RIMBP2: variants seen among roughly 807,000 people sequenced by gnomAD.
RIMBP2 encodes RIMS-binding protein 2.
Under a neutral mutation model 118.6 loss-of-function variants are expected in RIMBP2, and 48 were observed. The ratio of observed to expected loss-of-function variants is 0.40; its 90% CI spans 0.32 to 0.51. The LOEUF (loss-of-function observed/expected upper bound fraction) is 0.51, where lower values mean the gene tolerates loss of function less well. Ranked by LOEUF, RIMBP2 falls within the 20% of genes least tolerant of loss-of-function variation. The pLI is 0.41. For synonymous variants in RIMBP2, 762 were observed against 742.9 expected (o/e 1.03, Z -0.42); for missense variants, 1,551 against 1,768.3 (o/e 0.88, Z 2.20).
At chr12:130,686,466 CT>C (rs1470031210) in intron 1 of RIMBP2, among the ~76,000 whole-genome samples, 1 of 152,242 alleles carries the variant, frequency 6.6e-6, no homozygotes, top group African/African-American at 2.4e-5. Context: ...ACGAGGCATT[CT>C]TACACGGGCC....
At chr12:130,640,022 T>C (rs1314975820) in intron 1 of RIMBP2, among the ~76,000 whole-genome samples, 1 of 152,204 alleles carries the variant, frequency 6.6e-6, no homozygotes, top group African/African-American at 2.4e-5. Context: ...TGGCTAGCTT[T>C]CTAGTCAGTT....
chr12:130,472,327 G>A (rs2081077350), intron 5 of RIMBP2: 1 of 152,256 alleles, frequency 6.6e-6, no homozygotes, highest in African/African-American at 2.4e-5. Flanking sequence ...ACTGGAGGTT[G>A]GTTTTCTGAG....
chr12:130,497,046 G>A (rs959060033), intron 4 of RIMBP2, among the ~76,000 whole-genome samples: 7 of 152,010 alleles, frequency 4.6e-5, no homozygotes, highest in Admixed American at 2.0e-4. Context: ...GCTCCTGGGC[G>A]CTCCATGGCT....
Position 130,494,697 on chromosome 12 carries a change from G to A in RIMBP2, c.-4+11951C>T, listed in dbSNP as rs1424852658. 5.9e-5 allele frequency among the ~76,000 whole-genome samples: 9 copies of A among 151,474 alleles called. 1 individual carries two copies. In the South Asian group the frequency reaches 1.5e-3, roughly 25 times the overall value. On this transcript the variant is annotated intron_variant, in intron 4 of 22. Transcript: ENST00000690449. ...GCAAAGTAGGAGTCAGGTAACCCAC[G>A]GAGGCCTCCAGGACCCTGCACTCCA...
At position 130,683,742 on chromosome 12, in the gene RIMBP2, A is replaced by G. The variant is rs571042843; in HGVS notation, c.-352+32480T>C. Among the ~76,000 whole-genome samples, 9 of 152,306 alleles carry G rather than the reference A, an allele frequency of 5.9e-5. No individual in the cohort carries two copies. Among genetic ancestry groups the G allele is most frequent in the African/African-American group, 1.9e-4 (8 of 41,572 alleles). ...TCCCACCAGCACTACGACAATTTAC[A>G]AACGCCATGGCAATGTCAGGAAGTT... On this transcript the variant is annotated intron_variant, in intron 1 of 22. Coordinates refer to ENST00000690449, the MANE Select transcript of RIMBP2 (RefSeq NM_001393629.1). This position sits in a 1 kb window ranked among gnomAD's most constrained non-coding sequence, Gnocchi z 4.4.
chr12:130,495,444 C>A (rs2049056871), intron 4 of RIMBP2, among the ~76,000 whole-genome samples: 1 of 152,092 alleles, frequency 6.6e-6, no homozygotes, highest in East Asian at 1.9e-4. Context: ...CACCCCCTAA[C>A]AGACATGTGC....
At chr12:130,520,150 T>A (rs1169866259) in intron 2 of RIMBP2, among the ~76,000 whole-genome samples, 1 of 152,184 alleles carries the variant, frequency 6.6e-6, no homozygotes, top group Admixed American at 6.5e-5. Flanking sequence ...ATAGAAATGC[T>A]TACATCTATT....
At position 130,522,761 on chromosome 12, in the gene RIMBP2, C is replaced by A. The variant is rs551405521; in HGVS notation, c.-216-4844G>T. Among the ~76,000 whole-genome samples, 4 of 152,234 alleles carry A rather than the reference C, an allele frequency of 2.6e-5. No homozygotes were observed. In the South Asian group the frequency reaches 8.3e-4, roughly 32 times the overall value. On this transcript the variant is annotated intron_variant, in intron 2 of 22. Transcript: ENST00000690449. ...GGAGGATGGCCCACAGTGCCTGAGGCTGTCTCCCTGCCTGCTGTGGACTGA... is the reference window on the plus strand; with the variant it reads ...GGAGGATGGCCCACAGTGCCTGAGGATGTCTCCCTGCCTGCTGTGGACTGA...
chr12:130,713,361 G>T (rs1389556708), intron 1 of RIMBP2, among the ~76,000 whole-genome samples: 3 of 151,640 alleles, frequency 2.0e-5, no homozygotes, highest in African/African-American at 7.3e-5. Context: ...TCCTCAGCTG[G>T]TTGCCCTTTG....
At chr12:130,598,538 C>T (rs2059685380) in intron 2 of RIMBP2, among the ~76,000 whole-genome samples, 1 of 152,134 alleles carries the variant, frequency 6.6e-6, no homozygotes, top group South Asian at 2.1e-4. Context: ...ACCATCCTGG[C>T]TAACACGGTG....
chr12:130,438,335 A>AACCCC, intron 12 of RIMBP2, 30 bp downstream of exon 12: 22 of 864,968 alleles, frequency 2.5e-5, no homozygotes, highest in East Asian at 5.6e-5. Context: ...GGCCTAACAA[A>AACCCC]CCCTCCCCAC....
intron 6 of RIMBP2, among the ~76,000 whole-genome samples, chr12:130,462,398 G>A (rs12306727): frequency 0.045 from 6,832 of 152,342 alleles, 515 homozygotes; most frequent in African/African-American, 0.15. Flanking sequence ...CCTGGAGACA[G>A]CTGCCCCGAG....
chr12:130,588,252 C>T (rs1202040781), intron 2 of RIMBP2, among the ~76,000 whole-genome samples: 2 of 152,190 alleles, frequency 1.3e-5, no homozygotes, highest in African/African-American at 4.8e-5. Flanking sequence ...GAGTATTCCC[C>T]AACCCACTGA....
In RIMBP2 at chr12:130,710,982, C is replaced by T. The variant is rs10848189; in HGVS notation, c.-352+5240G>A. 0.25 allele frequency among the ~76,000 whole-genome samples: 38,378 copies of T among 152,158 alleles called. 5,199 individuals carry two copies. Among genetic ancestry groups the T allele is most frequent in the East Asian group, 0.38 (1,982 of 5,158 alleles). On this transcript the variant is annotated intron_variant, in intron 1 of 22. Coordinates refer to ENST00000690449, the MANE Select transcript of RIMBP2 (RefSeq NM_001393629.1). The surrounding 1 kb of genome is among the most constrained non-coding windows in gnomAD (Gnocchi z 4.3). ...ATCTGACCAGGCACAGTGGCTCATG[C>T]CTGTAATCCTAGCATTTTGGGAGGC...
chr12:130,421,909 A>C (rs1285983383), intron 17 of RIMBP2, among the ~76,000 whole-genome samples: 4 of 152,246 alleles, frequency 2.6e-5, no homozygotes, highest in Non-Finnish European at 5.9e-5. Context: ...AGTCAGGAAG[A>C]GAATGGAAAC....
chr12:130,440,354 CAT>C (rs2078018580), intron 11 of RIMBP2, among the ~76,000 whole-genome samples: 1 of 152,156 alleles, frequency 6.6e-6, no homozygotes, highest in African/African-American at 2.4e-5. Context: ...TGCTGACCTA[CAT>C]GTGATTGTCC....
rs1566047298 is a variant in RIMBP2, at chr12:130,442,959, C to T, written c.692-299G>A. On this transcript the variant is annotated intron_variant, in intron 10 of 22. Coordinates refer to ENST00000690449, the MANE Select transcript of RIMBP2 (RefSeq NM_001393629.1). This position sits in a 1 kb window ranked among gnomAD's most constrained non-coding sequence, Gnocchi z 6.9. Reference sequence around the variant, plus strand: ...GACTACCCCCTCCCAACACGAACAACACTCAGGGACAGCAGGGACCACACG... The same window carrying T: ...GACTACCCCCTCCCAACACGAACAATACTCAGGGACAGCAGGGACCACACG... Among the ~76,000 whole-genome samples, 1 of 152,202 alleles carries T rather than the reference C, an allele frequency of 6.6e-6. No homozygotes were observed. The highest frequency in any genetic ancestry group is 6.5e-5 in the Admixed American group (1 of 15,282).
rs574014269 is a variant in RIMBP2, at chr12:130,690,248, C to G, written c.-352+25974G>C. On this transcript the variant is annotated intron_variant, in intron 1 of 22. Coordinates refer to ENST00000690449, the MANE Select transcript of RIMBP2 (RefSeq NM_001393629.1). ...CTCCCTTTCTCAGGGCCCACCATGC[C>G]CTGGGGGTGGGGATCATGGACACAG... Among the ~76,000 whole-genome samples the G allele has an allele frequency of 2.8e-4, 42 of 152,262 alleles. 1 individual carries two copies. Among genetic ancestry groups the G allele is most frequent in the African/African-American group, 9.9e-4 (41 of 41,546 alleles).
At chr12:130,592,083 T>C (rs1358886402) in intron 2 of RIMBP2, among the ~76,000 whole-genome samples, 1 of 152,210 alleles carries the variant, frequency 6.6e-6, no homozygotes. Flanking sequence ...ACAGCCCTTC[T>C]TCCTCCCGAG....
Sources: gnomAD v4.1 joint callset for allele counts (sites outside exome capture counted in the v4.1 genomes callset) on GRCh38, gnomAD v4.1.1 for gene constraint, Gnocchi (gnomAD v3.1) non-coding constraint, MANE v1.5 for transcripts, NCBI Gene and HGNC (gene_info 2026-07-23, HGNC 2026-07-21) for gene names.